The following ARMH3 variants were observed in gnomAD, a reference collection of about 807,000 sequenced individuals.
ARMH3 encodes armadillo like helical domain containing 3.
In ARMH3, 60 loss-of-function variants were observed where a neutral mutation model predicts 99.1. The observed-to-expected ratio is 0.61, with a 90% CI of 0.49 to 0.75. The LOEUF is 0.75. Ranked by LOEUF, ARMH3 falls within the 30% of genes least tolerant of loss-of-function variation. The pLI is 0.00. For missense variants in ARMH3, 679 were observed against 843.1 expected (o/e 0.81, Z 2.41); for synonymous variants, 285 against 292.8 (o/e 0.97, Z 0.27).
intron 24 of ARMH3, among the ~76,000 whole-genome samples, chr10:101,858,474 T>C (rs1255324325): frequency 6.6e-6 from 1 of 152,226 alleles, no homozygotes; most frequent in African/African-American, 2.4e-5. Flanking sequence ...TTAAGAAGTG[T>C]AGCTATTACT....
intron 19 of ARMH3, among the ~76,000 whole-genome samples, chr10:101,985,315 CAT>C (rs79499574): frequency 2.4e-3 from 357 of 147,352 alleles, no homozygotes; most frequent in Admixed American, 4.0e-3. Flanking sequence ...CATGTATATA[CAT>C]ATATATATAC....
At chr10:101,887,578 TTCTC>T (rs1254033837) in intron 24 of ARMH3, among the ~76,000 whole-genome samples, 14 of 147,908 alleles carry the variant, frequency 9.5e-5, no homozygotes, top group South Asian at 2.2e-4. Context: ...TAATTTTTCT[TTCTC>T]TCTCTCTCTC....
intron 23 of ARMH3, among the ~76,000 whole-genome samples, chr10:101,910,153 C>A (rs747620166): frequency 3.0e-4 from 45 of 152,106 alleles, no homozygotes; most frequent in Non-Finnish European, 5.0e-4. Flanking sequence ...TTCAAAATGC[C>A]TAGTCCTTGG....
At position 102,043,036 on chromosome 10, in the gene ARMH3, C is replaced by G. The variant is rs2067460952; in HGVS notation, c.-11-2911G>C. Among the ~76,000 whole-genome samples the G allele has an allele frequency of 2.0e-5, 3 of 152,338 alleles. No homozygotes were observed. In the East Asian group the frequency reaches 5.8e-4, roughly 29 times the overall value. ...GCGGTGAGACGAGATTGCGCCACTG[C>G]ACTCCAGCCTGGGCAACAAGAGTGA... On this transcript the variant is annotated intron_variant, in intron 1 of 25. Transcript: ENST00000370033.
chr10:101,901,690 G>A (rs2067984426), intron 23 of ARMH3, among the ~76,000 whole-genome samples: 1 of 152,186 alleles, frequency 6.6e-6, no homozygotes, highest in Non-Finnish European at 1.5e-5. Context: ...GGATACTGTG[G>A]CAGGTGGTAG....
At chr10:101,930,656 G>A (rs897844187) in intron 23 of ARMH3, among the ~76,000 whole-genome samples, 1 of 152,124 alleles carries the variant, frequency 6.6e-6, no homozygotes, top group Non-Finnish European at 1.5e-5. Flanking sequence ...CAAAGGCTCA[G>A]GCTGACAGCC....
At chr10:101,862,692 T>TATAAAATGAAATC (rs2066901441) in intron 24 of ARMH3, among the ~76,000 whole-genome samples, 1 of 149,528 alleles carries the variant, frequency 6.7e-6, no homozygotes, top group African/African-American at 2.5e-5. Context: ...CAATAGCAGA[T>TATAAAATGAAATC]ATAAAATGAA....
At chr10:101,980,923 G>A (rs1021731154) in intron 19 of ARMH3, among the ~76,000 whole-genome samples, 29 of 152,100 alleles carry the variant, frequency 1.9e-4, no homozygotes, top group African/African-American at 7.0e-4. Flanking sequence ...CATGGATGAA[G>A]CTGGAAGCCA....
At chr10:101,971,943 C>T (rs1845788912) in intron 20 of ARMH3, among the ~76,000 whole-genome samples, 1 of 152,172 alleles carries the variant, frequency 6.6e-6, no homozygotes, top group African/African-American at 2.4e-5. Context: ...ACAGTGATTG[C>T]TGAAAACAGA....
Position 102,012,888 on chromosome 10 carries a change from A to G in ARMH3, c.727-12T>C, listed in dbSNP as rs1313483220. 1 of 1,601,364 alleles carries G rather than the reference A, an allele frequency of 6.2e-7. No homozygotes were observed. The highest frequency in any genetic ancestry group is 8.5e-7 in the Non-Finnish European group (1 of 1,172,190). Reference sequence around the variant, plus strand: ...ACAAGTCCCATTCCCTAGAAGGGAAAAGATAGCACAGGTGAAATAAGACAG... The same window carrying G: ...ACAAGTCCCATTCCCTAGAAGGGAAGAGATAGCACAGGTGAAATAAGACAG... On this transcript the variant is annotated splice_polypyrimidine_tract_variant and intron_variant, in intron 9 of 25. Coordinates refer to ENST00000370033, the MANE Select transcript of ARMH3 (RefSeq NM_024541.3).
chr10:102,007,496 G>C (rs2066526053), intron 13 of ARMH3, among the ~76,000 whole-genome samples: 1 of 151,608 alleles, frequency 6.6e-6, no homozygotes, highest in Non-Finnish European at 1.5e-5. Flanking sequence ...AGCAGATGTA[G>C]ATGAGTCAAG....
chr10:102,019,170 T>C (rs1168720234), intron 8 of ARMH3, among the ~76,000 whole-genome samples: 1 of 152,058 alleles, frequency 6.6e-6, no homozygotes, highest in Non-Finnish European at 1.5e-5. Flanking sequence ...TGCATCAGCC[T>C]CCCAAGTAGT....
intron 22 of ARMH3, among the ~76,000 whole-genome samples, chr10:101,942,233 AAG>A (rs1844272636): frequency 6.6e-6 from 1 of 152,220 alleles, no homozygotes; most frequent in African/African-American, 2.4e-5. Flanking sequence ...GCCATTTAAA[AAG>A]AGACATGAAA....
chr10:101,957,263 A>G (rs1314302453), intron 21 of ARMH3, among the ~76,000 whole-genome samples: 2 of 152,234 alleles, frequency 1.3e-5, no homozygotes, highest in East Asian at 3.8e-4. Context: ...AACCAGCCAG[A>G]TAAGCAAGCA....
chr10:101,929,694 T>C (rs1223813058), intron 23 of ARMH3, among the ~76,000 whole-genome samples: 3 of 151,888 alleles, frequency 2.0e-5, no homozygotes, highest in African/African-American at 4.8e-5. Flanking sequence ...ACGCAAAAAA[T>C]AGTGAAAAAA....
intron 1 of ARMH3, among the ~76,000 whole-genome samples, chr10:102,053,852 G>A (rs1590249051): frequency 6.6e-6 from 1 of 151,776 alleles, no homozygotes; most frequent in Non-Finnish European, 1.5e-5. Context: ...TAGAGACGGG[G>A]TTTCACCATG....
At chr10:101,971,095 C>CA (rs71472590) in intron 20 of ARMH3, among the ~76,000 whole-genome samples, 6,138 of 32,460 alleles carry the variant, frequency 0.19, 490 homozygotes, top group Non-Finnish European at 0.23. Context: ...AGACCGTCTC[C>CA]AAAAAAAAAA....
intron 5 of ARMH3, among the ~76,000 whole-genome samples, chr10:102,027,701 T>C (rs2067031131): frequency 6.6e-6 from 1 of 152,016 alleles, no homozygotes. Flanking sequence ...ATTATGAGAA[T>C]GAGGAGCTAT....
At position 101,932,028 on chromosome 10, in the gene ARMH3, T is replaced by C. The variant is rs929652426; in HGVS notation, c.1781+7835A>G. On this transcript the variant is annotated intron_variant, in intron 23 of 25. Coordinates refer to ENST00000370033, the MANE Select transcript of ARMH3 (RefSeq NM_024541.3). ...ATATGCCTGATAATGAATTAATATC[T>C]AGAATAAAGAACTCCTAAAACTCAA... Among the ~76,000 whole-genome samples, 5 of 152,230 alleles carry C rather than the reference T, an allele frequency of 3.3e-5. No homozygotes were observed. The East Asian group carries it at 9.6e-4, about 29-fold the overall frequency.
Sources: gnomAD v4.1 joint callset for allele counts (sites outside exome capture counted in the v4.1 genomes callset) on GRCh38, gnomAD v4.1.1 for gene constraint, MANE v1.5 for transcripts, NCBI Gene and HGNC (gene_info 2026-07-23, HGNC 2026-07-21) for gene names.